FOXO4: variants seen among roughly 807,000 people sequenced by gnomAD.
FOXO4 encodes forkhead box O4.
In FOXO4, 3 loss-of-function variants were observed where a neutral mutation model predicts 20.8. That is an observed-to-expected ratio of 0.14 (90% confidence interval 0.07 to 0.37). The LOEUF is 0.37. Ranked by LOEUF, FOXO4 falls within the 10% of genes least tolerant of loss-of-function variation. FOXO4 has a pLI of 1.00. For synonymous variants in FOXO4, 158 were observed against 180.0 expected (o/e 0.88, Z 0.98); for missense variants, 309 against 431.9 (o/e 0.72, Z 2.52).
intron 1 of FOXO4, among the ~76,000 whole-genome samples, chrX:71,098,914 T>C (rs1000703874): frequency 9.0e-6 from 1 of 111,003 alleles, no homozygotes; most frequent in Non-Finnish European, 1.9e-5. Context: ...AGGAGTTCTT[T>C]GGCTAAAGAA....
Position 71,100,925 on chromosome X carries a change from T to C in FOXO4, c.695T>C (p.Val232Ala), listed in dbSNP as rs199927821. 42 of 1,209,655 alleles carry C rather than the reference T, an allele frequency of 3.5e-5. No homozygotes were observed. The highest frequency in any genetic ancestry group is 1.2e-4 in the South Asian group (7 of 56,645). Residue 232 changes from valine (V) to alanine (A), a missense_variant, in exon 2 of 3, where the codon GTC (valine) becomes GCC (alanine). By Grantham distance (64) the Val-to-Ala change is moderately conservative. Around this residue, in one of 3 missense-constraint regions of FOXO4, gnomAD observed 223 missense variants for 302.7 expected, o/e 0.74. Transcript: ENST00000374259. ...PPEGATPTSP[V>A]GHFAKWSGSP... ...GAAGGTGCCACTCCAACGAGCCCTG[T>C]CGGCCACTTTGCCAAGTGGTCAGGC...
At chrX:71,098,820 G>A (rs1270540091) in intron 1 of FOXO4, among the ~76,000 whole-genome samples, 2 of 111,327 alleles carry the variant, frequency 1.8e-5, no homozygotes, top group Non-Finnish European at 3.8e-5. Flanking sequence ...GTTACTATGA[G>A]GTGAGGCCGG....
chrX:71,100,935 T>C lies in FOXO4; in HGVS notation c.705T>C (p.Phe235=). The C allele has an allele frequency of 8.3e-7, 1 of 1,211,219 alleles. No individual in the cohort carries two copies. Among genetic ancestry groups the C allele is most frequent in the Middle Eastern group, 2.3e-4 (1 of 4,355 alleles). ...GATPTSPVGH[F]AKWSGSPCSR... is the part of the protein sequence containing the mutation. ...CTCCAACGAGCCCTGTCGGCCACTT[T>C]GCCAAGTGGTCAGGCAGCCCTTGCT... Residue 235 remains phenylalanine (F), a synonymous_variant, in exon 2 of 3, where the codon TTT becomes TTC. Coordinates refer to ENST00000374259, the MANE Select transcript of FOXO4 (RefSeq NM_005938.4).
chrX:71,100,175 T>TCCCCCCCC (rs2092226930), intron 1 of FOXO4, among the ~76,000 whole-genome samples: 1 of 99,039 alleles, frequency 1.0e-5, no homozygotes. Flanking sequence ...CAGGTACCGC[T>TCCCCCCCC]CCCCCCACCC....
Position 71,103,025 on chromosome X carries a change from T to C in FOXO4, c.*941T>C, listed in dbSNP as rs1200118751. On this transcript the variant is annotated 3_prime_UTR_variant, in exon 3 of 3. Coordinates refer to ENST00000374259, the MANE Select transcript of FOXO4 (RefSeq NM_005938.4). Reference sequence around the variant, plus strand: ...GTTAGTGCTATGGTGGGAGAGTACATTGAAGGCCTGGAATTAGCTTGGGGC... The same window carrying C: ...GTTAGTGCTATGGTGGGAGAGTACACTGAAGGCCTGGAATTAGCTTGGGGC... The C allele has an allele frequency of 1.7e-5, 3 of 173,318 alleles. No individual in the cohort carries two copies. Among genetic ancestry groups the C allele is most frequent in the African/African-American group, 3.0e-5 (1 of 33,367 alleles). The allele number at this position is 173,318 out of a possible 1,213,427, so 14.3% of individuals were successfully genotyped here.
At chrX:71,099,496 A>T (rs1396050541) in intron 1 of FOXO4, 1 of 111,821 alleles carries the variant, frequency 8.9e-6, no homozygotes, top group Non-Finnish European at 1.9e-5. Context: ...GTAGGTATAG[A>T]ATATGTGCTG....
At chrX:71,099,264 G>A (rs1029095642) in intron 1 of FOXO4, 1 of 111,643 alleles carries the variant, frequency 9.0e-6, no homozygotes, top group Non-Finnish European at 1.9e-5. Context: ...AATATAAGCT[G>A]CACTGGGGGC....
chrX:71,096,725 C>G lies in FOXO4; in HGVS notation c.197C>G (p.Pro66Arg), dbSNP rs774656186. ...GTACACACGGAGGGGCGCTCAGAGC[C>G]GATCCTGTTGCCCTCTCGGCTCCCA... is the stretch of plus-strand genomic sequence containing the variant. ...EKVHTEGRSE[P>R]ILLPSRLPEP... The change falls in exon 1 of 3, where the codon CCG (proline) becomes CGG (arginine). Residue 66 changes from proline to arginine, a missense_variant. By Grantham distance (103) the Pro-to-Arg change is moderately radical (BLOSUM62 -2). Coordinates refer to ENST00000374259, the MANE Select transcript of FOXO4 (RefSeq NM_005938.4). 7.5e-6 allele frequency: 9 copies of G among 1,204,439 alleles called. No homozygotes were observed. In the East Asian group the frequency reaches 2.4e-4, roughly 32 times the overall value.
intron 1 of FOXO4, 49 bp downstream of exon 1, chrX:71,097,030 C>A: frequency 8.5e-6 from 9 of 1,056,164 alleles, no homozygotes; most frequent in Non-Finnish European, 1.2e-5. Flanking sequence ...ACCCCCTGGA[C>A]CCCCTAGCCT....
rs1409030468 is a variant in FOXO4 at position 71,096,567 on chromosome X, C to T, written c.39C>T (p.Ala13=). 2 of 1,208,159 alleles carry T rather than the reference C, an allele frequency of 1.7e-6. No individual in the cohort carries two copies. Among genetic ancestry groups the T allele is most frequent in the African/African-American group, 1.7e-5 (1 of 57,208 alleles). The change falls in exon 1 of 3, where the codon GCC becomes GCT. Residue 13 remains alanine (A), a synonymous_variant. Transcript: ENST00000374259. ...ATGAGAATTCAGCCACAGAGGCTGC[C>T]GCGATCATAGACCTAGATCCCGACT... The part of the protein sequence containing the change: ...PGNENSATEA[A]AIIDLDPDFE...
At chrX:71,100,621 C>A (rs1037355034) in intron 1 of FOXO4, 63 bp from the exon 2 acceptor site, 6 of 913,564 alleles carry the variant, frequency 6.6e-6, no homozygotes, top group Non-Finnish European at 9.0e-6. Flanking sequence ...TAGACTTGAC[C>A]GCTGGCCACT....
At chrX:71,098,207 T>C (rs2092222632) in intron 1 of FOXO4, among the ~76,000 whole-genome samples, 1 of 112,253 alleles carries the variant, frequency 8.9e-6, no homozygotes, top group Admixed American at 9.4e-5. Context: ...TACAAAGTAG[T>C]TTTTAAAGTT....
chrX:71,098,996 G>C (rs1250528459), intron 1 of FOXO4, among the ~76,000 whole-genome samples: 1 of 111,478 alleles, frequency 9.0e-6, no homozygotes, highest in Non-Finnish European at 1.9e-5. Flanking sequence ...AGAGAAACAA[G>C]TAGTTTCTGA....
In FOXO4 at chrX:71,101,429, G is replaced by C. The variant is rs1278863562; in HGVS notation, c.1199G>C (p.Gly400Ala). 8.3e-7 allele frequency: 1 copy of C among 1,209,554 alleles called. No individual in the cohort carries two copies. The highest frequency in any genetic ancestry group is 1.1e-6 in the Non-Finnish European group (1 of 895,049). ...CAGGCTCCGACTCTTCTGTTGCTGG[G>C]GGGGCTTCCTTCCTCCAGTAAGCTG... ...LSQAPTLLLLGGLPSSSKLAT... is the reference protein window; with the variant it reads ...LSQAPTLLLLAGLPSSSKLAT... The change falls in exon 2 of 3, where the codon GGG becomes GCG. Residue 400 changes from glycine to alanine, a missense_variant. By Grantham distance (60) the Gly-to-Ala change is moderately conservative (BLOSUM62 0). This residue lies in a region of FOXO4 where 223 missense variants were observed against 302.7 expected (regional missense o/e 0.74). Coordinates refer to ENST00000374259, the MANE Select transcript of FOXO4 (RefSeq NM_005938.4).
intron 1 of FOXO4, among the ~76,000 whole-genome samples, chrX:71,100,188 C>T (rs1380334405): frequency 9.3e-5 from 10 of 107,889 alleles, no homozygotes; most frequent in Admixed American, 2.0e-4. Context: ...CCCCACCCCC[C>T]GCAAAACACA....
In FOXO4 at chrX:71,096,206, A is replaced by T; in HGVS notation, c.-323A>T. On this transcript the variant is annotated 5_prime_UTR_variant, in exon 1 of 3. Transcript: ENST00000374259. ...TTCGGTGATGGGAGCGCAATATATG[A>T]GGGGATACAGTGCCTCAGGTTTAAA... The T allele has an allele frequency of 3.1e-6, 1 of 321,459 alleles. No individual in the cohort carries two copies. Among genetic ancestry groups the T allele is most frequent in the Non-Finnish European group, 5.4e-6 (1 of 183,923 alleles). 26.5% of individuals were successfully genotyped at this position (321,459 alleles called of 1,213,427 possible).
At position 71,103,293 on chromosome X, in the gene FOXO4, T is replaced by C. The variant is rs1156235549; in HGVS notation, c.*1209T>C. The C allele has an allele frequency of 2.4e-5, 4 of 164,301 alleles. No individual in the cohort carries two copies. Among genetic ancestry groups the C allele is most frequent in the Non-Finnish European group, 3.5e-5 (3 of 85,832 alleles). The allele number at this position is 164,301 out of a possible 1,213,427, so 13.5% of individuals were successfully genotyped here. ...GGAAATGAGCAGGGATGGGGGGGGATGTGGATCAGGTTTACTAGCACCTGC... is the reference window on the plus strand; with the variant it reads ...GGAAATGAGCAGGGATGGGGGGGGACGTGGATCAGGTTTACTAGCACCTGC... On this transcript the variant is annotated 3_prime_UTR_variant, in exon 3 of 3. Transcript: ENST00000374259.
chrX:71,101,545 G>C lies in FOXO4; in HGVS notation c.1315G>C (p.Val439Leu), dbSNP rs752067914. Residue 439 changes from valine to leucine, a missense_variant, in exon 2 of 3, where the codon GTC (valine) becomes CTC (leucine). By Grantham distance (32) the Val-to-Leu change is conservative. Around this residue, in one of 3 missense-constraint regions of FOXO4, gnomAD observed 223 missense variants for 302.7 expected, o/e 0.74. Transcript: ENST00000374259. ...PTLSMIAPPP[V>L]MASAPIPKAL... is the part of the protein sequence containing the mutation. ...CCTTTCTATGATAGCACCACCTCCA[G>C]TCATGGCAAGTGCCCCCATCCCCAA... 1 of 1,211,698 alleles carries C rather than the reference G, an allele frequency of 8.3e-7. No homozygotes were observed. The highest frequency in any genetic ancestry group is 1.8e-5 in the South Asian group (1 of 57,003).
At chrX:71,097,036 A>G in intron 1 of FOXO4, 55 bp downstream of exon 1, 1 of 1,034,681 alleles carries the variant, frequency 9.7e-7, no homozygotes, top group Non-Finnish European at 1.3e-6. Context: ...TGGACCCCCT[A>G]GCCTCCCTTA....
Sources: allele counts gnomAD v4.1 joint callset (sites outside exome capture counted in the v4.1 genomes callset), GRCh38; gene constraint gnomAD v4.1.1; regional missense constraint gnomAD v4.1.1; transcripts MANE v1.5; gene names NCBI Gene and HGNC (gene_info 2026-07-23, HGNC 2026-07-21).